Variants in NRG3 observed in about 807,000 individuals in gnomAD.
NRG3 encodes neuregulin 3.
A neutral mutation model predicts 66.9 loss-of-function variants in NRG3; 31 were observed. The ratio of observed to expected loss-of-function variants is 0.46; its 90% CI spans 0.35 to 0.63. NRG3 has a LOEUF of 0.63. Among genes scored for constraint, NRG3 ranks in the 20% least tolerant of loss-of-function variants. The pLI is 0.00. For missense variants in NRG3, 910 were observed against 878.9 expected (o/e 1.04, Z -0.45); for synonymous variants, 393 against 359.4 (o/e 1.09, Z -1.06).
intron 2 of NRG3, among the ~76,000 whole-genome samples, chr10:82,403,100 T>G (rs761482238): frequency 6.6e-6 from 1 of 152,172 alleles, no homozygotes; most frequent in African/African-American, 2.4e-5. Flanking sequence ...CCTTCTTGTC[T>G]GAAACACGTG....
intron 3 of NRG3, among the ~76,000 whole-genome samples, chr10:82,842,071 C>T (rs571241623): frequency 6.1e-4 from 93 of 152,044 alleles, no homozygotes; most frequent in African/African-American, 1.8e-3. Flanking sequence ...GTCAACATGG[C>T]GAAACCCCAT....
Position 81,877,792 on chromosome 10 carries a change from A to G in NRG3, c.823+1629A>G. On this transcript the variant is annotated intron_variant, in intron 1 of 8. Transcript: ENST00000372141. ...CTGAAGCAGTCATTTTTGAGAGCAC[A>G]TTTTCCCAGGAGGTGTTTAGAGCCT... 5 of 1,373,542 alleles carry G rather than the reference A, an allele frequency of 3.6e-6. No homozygotes were observed. In the East Asian group the frequency reaches 8.6e-5, roughly 24 times the overall value. 85.1% of individuals were successfully genotyped at this position (1,373,542 alleles called of 1,614,324 possible).
At chr10:82,824,662 A>G (rs1215244726) in intron 3 of NRG3, among the ~76,000 whole-genome samples, 1 of 149,382 alleles carries the variant, frequency 6.7e-6, no homozygotes, top group African/African-American at 2.5e-5. Flanking sequence ...GGCTGTTTGT[A>G]TATTTTTTTT....
At chr10:82,118,505 G>T (rs1179927190) in intron 1 of NRG3, among the ~76,000 whole-genome samples, 1 of 151,962 alleles carries the variant, frequency 6.6e-6, no homozygotes, top group Non-Finnish European at 1.5e-5. Context: ...ACAGCCACAG[G>T]TTTGAAATGG....
chr10:82,865,502 C>G (rs1238728098), intron 4 of NRG3, 65 bp downstream of exon 4: 1 of 1,455,248 alleles, frequency 6.9e-7, no homozygotes, highest in Non-Finnish European at 9.5e-7. Context: ...GTACATAGTG[C>G]TTTCCTTCTC....
rs149028072 is a variant in NRG3 at position 82,442,936 on chromosome 10, G to C, written c.953+84068G>C. Among the ~76,000 whole-genome samples the C allele has an allele frequency of 3.0e-4, 45 of 151,616 alleles. No homozygotes were observed. In the East Asian group the frequency reaches 8.4e-3, roughly 28 times the overall value. Reference sequence around the variant, plus strand: ...GGCTGAACGTGAAGTTGATATAATTGGGCTCAGTATGTGTCTTTCCTTAGA... The same window carrying C: ...GGCTGAACGTGAAGTTGATATAATTCGGCTCAGTATGTGTCTTTCCTTAGA... On this transcript the variant is annotated intron_variant, in intron 2 of 8. Transcript: ENST00000372141.
chr10:81,942,319 A>G (rs995348904), intron 1 of NRG3, among the ~76,000 whole-genome samples: 7 of 152,116 alleles, frequency 4.6e-5, no homozygotes, highest in African/African-American at 1.7e-4. Flanking sequence ...GAATAGGCAC[A>G]TTGTATATGA....
chr10:82,132,769 C>G (rs1439897476), intron 1 of NRG3, among the ~76,000 whole-genome samples: 2 of 151,122 alleles, frequency 1.3e-5, no homozygotes, highest in East Asian at 3.9e-4. Flanking sequence ...TTCGTCTATT[C>G]AGGTTTTGGA....
At chr10:82,480,995 A>C (rs967409214) in intron 2 of NRG3, among the ~76,000 whole-genome samples, 1 of 152,088 alleles carries the variant, frequency 6.6e-6, no homozygotes, top group African/African-American at 2.4e-5. Flanking sequence ...CTCTCTTACT[A>C]TCCAAAGTAT....
chr10:82,973,648 T>C, intron 6 of NRG3, 140 bp from the exon 7 acceptor site: 1 of 836,600 alleles, frequency 1.2e-6, no homozygotes, highest in Non-Finnish European at 1.9e-6. Context: ...AGGACACAAA[T>C]TATGTCTTAT....
intron 1 of NRG3, chr10:81,877,693 G>A (rs1203890223): frequency 1.8e-5 from 23 of 1,308,018 alleles, no homozygotes; most frequent in Non-Finnish European, 9.7e-7. Flanking sequence ...GAGACAGGAA[G>A]GAGGGAAGGA....
intron 2 of NRG3, among the ~76,000 whole-genome samples, chr10:82,716,301 A>G (rs1472722711): frequency 6.6e-6 from 1 of 152,200 alleles, no homozygotes; most frequent in East Asian, 1.9e-4. Context: ...CACGTATAAC[A>G]TACACATATC....
chr10:82,695,484 A>G (rs1237924906), intron 2 of NRG3, among the ~76,000 whole-genome samples: 1 of 152,128 alleles, frequency 6.6e-6, no homozygotes, highest in Non-Finnish European at 1.5e-5. Flanking sequence ...GAAAAACTGG[A>G]TACAGCTATA....
chr10:82,059,369 T>G (rs4933824), intron 1 of NRG3, among the ~76,000 whole-genome samples: 136,665 of 152,124 alleles, frequency 0.9, 62,195 homozygotes, highest in South Asian at 0.99. Flanking sequence ...ACTCAGTAGA[T>G]ATTTCAGGGT....
chr10:82,853,680 T>A (rs757767494), intron 3 of NRG3, among the ~76,000 whole-genome samples: 9 of 152,244 alleles, frequency 5.9e-5, no homozygotes, highest in Non-Finnish European at 1.3e-4. Context: ...GATTCATTTA[T>A]CAGTTCTAGG....
chr10:81,913,623 C>T (rs1488632328), intron 1 of NRG3, among the ~76,000 whole-genome samples: 2 of 151,892 alleles, frequency 1.3e-5, no homozygotes, highest in African/African-American at 4.8e-5. Flanking sequence ...GGGGTTTCAC[C>T]ATGTTGGCCA....
intron 3 of NRG3, among the ~76,000 whole-genome samples, chr10:82,798,270 G>A (rs186973118): frequency 6.6e-6 from 1 of 152,246 alleles, no homozygotes; most frequent in Non-Finnish European, 1.5e-5. Flanking sequence ...TTCCAATACA[G>A]AAGAATAAAG....
chr10:81,886,921 G>A (rs1190412421), intron 1 of NRG3, among the ~76,000 whole-genome samples: 4 of 152,064 alleles, frequency 2.6e-5, no homozygotes, highest in African/African-American at 9.7e-5. Context: ...GTTCATGGTA[G>A]TTCTTTCTGG....
At chr10:82,854,888 C>T (rs1476239557) in intron 3 of NRG3, among the ~76,000 whole-genome samples, 1 of 152,172 alleles carries the variant, frequency 6.6e-6, no homozygotes, top group Non-Finnish European at 1.5e-5. Context: ...AAGAGATTTT[C>T]TACCATATCC....
Sources: allele counts gnomAD v4.1 joint callset (sites outside exome capture counted in the v4.1 genomes callset), GRCh38; gene constraint gnomAD v4.1.1; transcripts MANE v1.5; gene names NCBI Gene and HGNC (gene_info 2026-07-23, HGNC 2026-07-21).